PTPRN2: variants seen among roughly 807,000 people sequenced by gnomAD.
PTPRN2 encodes the protein receptor-type tyrosine-protein phosphatase N2.
PTPRN2 carries 74 observed loss-of-function variants against 118.8 expected under a neutral mutation model. The observed-to-expected ratio is 0.62, with a 90% CI of 0.52 to 0.76. The LOEUF (loss-of-function observed/expected upper bound fraction) is 0.76, where lower values mean the gene tolerates loss of function less well. PTPRN2 is among the 30% of genes least tolerant of loss of function. The pLI is 0.00. For synonymous variants in PTPRN2, 641 were observed against 608.0 expected (o/e 1.05, Z -0.80); for missense variants, 1,481 against 1,394.4 (o/e 1.06, Z -0.99).
rs191443092 is a variant in PTPRN2 at position 158,216,035 on chromosome 7, T to C, written c.278-10762A>G. 1.0e-3 allele frequency among the ~76,000 whole-genome samples: 159 copies of C among 152,238 alleles called. 2 individuals carry two copies. The highest frequency in any genetic ancestry group is 3.7e-3 in the African/African-American group (155 of 41,548). ...AACACCATACTACTGTCTTATGTCA[T>C]TTTAAATGCACATAGAGGAAATATT... is the stretch of plus-strand genomic sequence containing the variant. On this transcript the variant is annotated intron_variant, in intron 3 of 22. Coordinates refer to ENST00000389418, the MANE Select transcript of PTPRN2 (RefSeq NM_002847.5).
intron 11 of PTPRN2, among the ~76,000 whole-genome samples, chr7:158,056,950 C>T (rs1809837848): frequency 6.6e-6 from 1 of 152,168 alleles, no homozygotes; most frequent in Non-Finnish European, 1.5e-5. Flanking sequence ...ACAATGTCGC[C>T]CTTATCCGAT....
intron 12 of PTPRN2, among the ~76,000 whole-genome samples, chr7:157,792,469 G>A (rs1470769472): frequency 3.9e-5 from 6 of 152,298 alleles, no homozygotes; most frequent in South Asian, 2.1e-4. Context: ...AGGTCTCCGC[G>A]TCCCAGCACC....
In PTPRN2 at chr7:158,166,913, C is replaced by A; in HGVS notation, c.910+18G>T. 1 of 1,419,964 alleles carries A rather than the reference C, an allele frequency of 7.0e-7. No homozygotes were observed. Among genetic ancestry groups the A allele is most frequent in the East Asian group, 2.6e-5 (1 of 38,728 alleles). 88.0% of individuals were successfully genotyped at this position (1,419,964 alleles called of 1,614,324 possible). ...AGGACAGTCAGCAAACAAGAAACAC[C>A]AAGCGGGGCTGGCTCACCATCGCCT... On this transcript the variant is annotated intron_variant, in intron 6 of 22. Transcript: ENST00000389418.
intron 11 of PTPRN2, among the ~76,000 whole-genome samples, chr7:157,928,510 A>T (rs1056365519): frequency 5.9e-5 from 9 of 152,126 alleles, no homozygotes; most frequent in African/African-American, 1.9e-4. Flanking sequence ...CCCCAGGTCC[A>T]CTGTACCCAA....
At chr7:157,782,655 C>T (rs1222039279) in intron 12 of PTPRN2, among the ~76,000 whole-genome samples, 1 of 152,188 alleles carries the variant, frequency 6.6e-6, no homozygotes, top group Non-Finnish European at 1.5e-5. Flanking sequence ...GAAAGAACGA[C>T]GAGTGTCGGT....
intron 3 of PTPRN2, among the ~76,000 whole-genome samples, chr7:158,207,291 C>T (rs1827233798): frequency 1.3e-5 from 2 of 148,750 alleles, no homozygotes; most frequent in Middle Eastern, 3.5e-3. Context: ...GTCTTTATAG[C>T]AGCATGATTT....
At chr7:158,263,759 T>TG (rs1797692607) in intron 3 of PTPRN2, among the ~76,000 whole-genome samples, 2 of 152,118 alleles carry the variant, frequency 1.3e-5, no homozygotes, top group Admixed American at 1.3e-4. Context: ...AAAGCACCCG[T>TG]GGCACCTGGG....
At chr7:157,657,334 C>A (rs1256078300) in intron 13 of PTPRN2, among the ~76,000 whole-genome samples, 1 of 136,642 alleles carries the variant, frequency 7.3e-6, no homozygotes, top group African/African-American at 2.8e-5. Context: ...CACATATACA[C>A]ACACATACAC....
rs561320819 is a variant in PTPRN2, at chr7:157,819,020, A to G, written c.1788+79653T>C. ...TCTGCACCCTGAGCCTCCTCTCAGGACAGAGGCCATCAGCCCACGTGCCTG... is the reference window on the plus strand; with the variant it reads ...TCTGCACCCTGAGCCTCCTCTCAGGGCAGAGGCCATCAGCCCACGTGCCTG... On this transcript the variant is annotated intron_variant, in intron 12 of 22. Transcript: ENST00000389418. Among the ~76,000 whole-genome samples, 45 of 152,142 alleles carry G rather than the reference A, an allele frequency of 3.0e-4. No individual in the cohort carries two copies. In the South Asian group the frequency reaches 8.7e-3, roughly 29 times the overall value.
At chr7:158,412,520 A>G (rs1429780577) in intron 2 of PTPRN2, among the ~76,000 whole-genome samples, 11 of 45,648 alleles carry the variant, frequency 2.4e-4, no homozygotes, top group East Asian at 1.3e-3. Context: ...CCCATCCAGC[A>G]CCCTCCTCAG....
intron 13 of PTPRN2, among the ~76,000 whole-genome samples, chr7:157,668,430 G>A (rs1004045275): frequency 2.6e-5 from 4 of 152,230 alleles, no homozygotes; most frequent in African/African-American, 9.6e-5. Flanking sequence ...TTGCCCGAGT[G>A]TGCGCACAGA....
intron 2 of PTPRN2, among the ~76,000 whole-genome samples, chr7:158,328,552 C>T (rs1412634218): frequency 2.0e-5 from 3 of 152,202 alleles, no homozygotes; most frequent in African/African-American, 4.8e-5. Flanking sequence ...AGGAGCCCCA[C>T]GTCCGGGCAG....
At chr7:158,326,630 ACATGCACACGTTTTCACACATGCT>A (rs1213858953) in intron 2 of PTPRN2, among the ~76,000 whole-genome samples, 6 of 148,084 alleles carry the variant, frequency 4.1e-5, no homozygotes, top group Non-Finnish European at 8.9e-5. Context: ...GCACATTCTC[ACATGCACACGTTTTCACACATGCT>A]CACACTCTCA....
intron 11 of PTPRN2, among the ~76,000 whole-genome samples, chr7:158,010,183 G>A (rs879338417): frequency 2.0e-5 from 3 of 152,118 alleles, no homozygotes; most frequent in Non-Finnish European, 2.9e-5. Context: ...GCCTCAACAC[G>A]GGAGGACGGA....
chr7:158,094,170 C>T (rs937817485), intron 10 of PTPRN2, among the ~76,000 whole-genome samples: 2 of 152,202 alleles, frequency 1.3e-5, no homozygotes, highest in African/African-American at 4.8e-5. Context: ...TTTCCTGTTA[C>T]ACCTGCTGGG....
chr7:157,699,428 T>C (rs1214998462), intron 12 of PTPRN2, among the ~76,000 whole-genome samples: 2 of 152,192 alleles, frequency 1.3e-5, no homozygotes, highest in Non-Finnish European at 2.9e-5. Flanking sequence ...CAGTTGCTTT[T>C]CTTTTCTTTT....
intron 2 of PTPRN2, among the ~76,000 whole-genome samples, chr7:158,454,540 C>A (rs1818326740): frequency 1.3e-5 from 2 of 149,056 alleles, no homozygotes; most frequent in Non-Finnish European, 3.0e-5. Flanking sequence ...GGAGGACAGA[C>A]AAGACACAAC....
At chr7:157,565,189 C>A (rs1375880761) in intron 21 of PTPRN2, among the ~76,000 whole-genome samples, 1 of 152,230 alleles carries the variant, frequency 6.6e-6, no homozygotes, top group Non-Finnish European at 1.5e-5. Flanking sequence ...AGTACCATGT[C>A]CAGTCGCTGA....
intron 9 of PTPRN2, among the ~76,000 whole-genome samples, chr7:158,132,366 T>C (rs558998114): frequency 1.2e-4 from 16 of 133,090 alleles, no homozygotes; most frequent in African/African-American, 4.0e-4. Context: ...CTACCCGACA[T>C]ACACTCATAC....
Sources: allele counts gnomAD v4.1 joint callset (sites outside exome capture counted in the v4.1 genomes callset), GRCh38; gene constraint gnomAD v4.1.1; transcripts MANE v1.5; gene names NCBI Gene and HGNC (gene_info 2026-07-23, HGNC 2026-07-21).